HSF1: variants seen among roughly 807,000 people sequenced by gnomAD.
HSF1 encodes heat shock factor protein 1.
HSF1 carries 32 observed loss-of-function variants against 51.7 expected under a neutral mutation model. That is an observed-to-expected ratio of 0.62 (90% confidence interval 0.47 to 0.83). The LOEUF is 0.83. HSF1 is among the 40% of genes least tolerant of loss of function. The pLI is 0.00. For synonymous variants in HSF1, 396 were observed against 309.7 expected (o/e 1.28, Z -2.92); for missense variants, 727 against 717.0 (o/e 1.01, Z -0.16).
At chr8:144,300,696 AG>A (rs1554842125) in intron 1 of HSF1, among the ~76,000 whole-genome samples, 1 of 152,252 alleles carries the variant, frequency 6.6e-6, no homozygotes, top group Non-Finnish European at 1.5e-5. Context: ...CAAGTCTGAA[AG>A]GTGCCAGAGT....
chr8:144,293,187 T>C (rs1450448749), intron 1 of HSF1, among the ~76,000 whole-genome samples: 1 of 152,246 alleles, frequency 6.6e-6, no homozygotes, highest in Non-Finnish European at 1.5e-5. Context: ...TTCTTGGGTT[T>C]ACTGAGGCTC....
At chr8:144,306,717 C>T (rs1010610614) in intron 1 of HSF1, among the ~76,000 whole-genome samples, 1 of 152,208 alleles carries the variant, frequency 6.6e-6, no homozygotes, top group African/African-American at 2.4e-5. Context: ...TCGGACTCCC[C>T]CACCTCCCCA....
At chr8:144,302,966 G>C (rs782814485) in intron 1 of HSF1, among the ~76,000 whole-genome samples, 1 of 152,092 alleles carries the variant, frequency 6.6e-6, no homozygotes, top group Non-Finnish European at 1.5e-5. Flanking sequence ...ACAGCGACTA[G>C]AACAGCCAGG....
intron 1 of HSF1, among the ~76,000 whole-genome samples, chr8:144,301,739 C>CAT (rs1564614702): frequency 6.6e-6 from 1 of 152,096 alleles, no homozygotes; most frequent in Non-Finnish European, 1.5e-5. Flanking sequence ...GTGGCGGGTG[C>CAT]CTGTAGTCCT....
chr8:144,298,907 T>A (rs1815665249), intron 1 of HSF1, among the ~76,000 whole-genome samples: 1 of 151,692 alleles, frequency 6.6e-6, no homozygotes, highest in South Asian at 2.1e-4. Flanking sequence ...AGGGGAAGAG[T>A]AAGTGTAAGG....
intron 1 of HSF1, among the ~76,000 whole-genome samples, chr8:144,302,145 G>A (rs1162462526): frequency 2.7e-5 from 4 of 147,268 alleles, no homozygotes; most frequent in South Asian, 2.3e-4. Context: ...CAGCCTGGGC[G>A]ACACAGCGAG....
At chr8:144,295,982 C>T (rs1815426574) in intron 1 of HSF1, among the ~76,000 whole-genome samples, 1 of 152,142 alleles carries the variant, frequency 6.6e-6, no homozygotes, top group African/African-American at 2.4e-5. Flanking sequence ...ATGGGTGCAG[C>T]TGGAAAGACT....
intron 9 of HSF1, chr8:144,312,649 G>A (rs2130456074): frequency 6.5e-7 from 1 of 1,535,450 alleles, no homozygotes; most frequent in East Asian, 2.4e-5. Context: ...CTCCACAGAT[G>A]TCTAGGGTCG....
chr8:144,314,109 A>ACCC lies in HSF1; in HGVS notation c.1385-13_1385-11dup. 1.0e-6 allele frequency: 1 copy of ACCC among 956,300 alleles called. No homozygotes were observed. The highest frequency in any genetic ancestry group is 4.2e-5 in the Admixed American group (1 of 24,028). The allele number at this position is 956,300 out of a possible 1,614,324, so 59.2% of individuals were successfully genotyped here. Reference sequence around the variant, plus strand: ...GCCCCCAACCCCCCACCGCCTTGACACCCCCACCCCCGCAGGGAAGCAGCT... The same window carrying ACCC: ...GCCCCCAACCCCCCACCGCCTTGACACCCCCCCCACCCCCGCAGGGAAGCAGCT... On this transcript the variant is annotated splice_polypyrimidine_tract_variant and intron_variant, in intron 12 of 12. Coordinates refer to ENST00000528838, the MANE Select transcript of HSF1 (RefSeq NM_005526.4).
intron 1 of HSF1, among the ~76,000 whole-genome samples, chr8:144,298,277 A>G (rs1815604812): frequency 6.6e-6 from 1 of 152,122 alleles, no homozygotes; most frequent in Non-Finnish European, 1.5e-5. Context: ...CTTAAGGCAT[A>G]AGAAGCCGCT....
chr8:144,300,941 C>T (rs1176789477), intron 1 of HSF1, among the ~76,000 whole-genome samples: 3 of 152,114 alleles, frequency 2.0e-5, no homozygotes, highest in African/African-American at 2.4e-5. Context: ...GTCACCGGAG[C>T]GGTTTAACAA....
Position 144,312,261 on chromosome 8 carries a change from C to G in HSF1, c.1142+17C>G, listed in dbSNP as rs782695209. 9 of 1,554,218 alleles carry G rather than the reference C, an allele frequency of 5.8e-6. No homozygotes were observed. Among genetic ancestry groups the G allele is most frequent in the Middle Eastern group, 2.3e-4 (1 of 4,382 alleles). On this transcript the variant is annotated intron_variant, in intron 9 of 12. Transcript: ENST00000528838. ...CCTGGACAAGTGAGTGCCGCCCACC[C>G]CTGGCCCCACCCACAGCGCCTGGAC...
At chr8:144,305,388 C>T (rs1816141641) in intron 1 of HSF1, among the ~76,000 whole-genome samples, 1 of 152,062 alleles carries the variant, frequency 6.6e-6, no homozygotes, top group African/African-American at 2.4e-5. Context: ...CAACCTCTGC[C>T]TCCAGAGTTC....
chr8:144,299,271 G>T (rs752424922), intron 1 of HSF1, among the ~76,000 whole-genome samples: 1 of 151,830 alleles, frequency 6.6e-6, no homozygotes, highest in Non-Finnish European at 1.5e-5. Context: ...GTGAAACGCC[G>T]TCTCTACTAC....
Position 144,313,994 on chromosome 8 carries a change from C to T in HSF1, c.1324C>T (p.Leu442Phe), listed in dbSNP as rs782018913. Residue 442 changes from leucine to phenylalanine, a missense_variant, in exon 12 of 13, where the codon CTC (leucine) becomes TTC (phenylalanine). Transcript: ENST00000528838. ...LDSSLASIQELLSPQEPPRPP... is the reference protein window; with the variant it reads ...LDSSLASIQEFLSPQEPPRPP... ...CGTCTCCACCCCACAGATCCAAGAG[C>T]TCCTGTCTCCCCAGGAGCCCCCCAG... is the stretch of plus-strand genomic sequence containing the variant. 3.1e-6 allele frequency: 5 copies of T among 1,611,250 alleles called. No individual in the cohort carries two copies. In the African/African-American group the frequency reaches 4.0e-5, roughly 13 times the overall value.
intron 1 of HSF1, among the ~76,000 whole-genome samples, chr8:144,294,855 C>G (rs1815350936): frequency 6.6e-6 from 1 of 152,136 alleles, no homozygotes; most frequent in South Asian, 2.1e-4. Context: ...GACAGCACAG[C>G]CTTGGAGAGG....
intron 1 of HSF1, among the ~76,000 whole-genome samples, chr8:144,295,605 G>C (rs1379097497): frequency 3.3e-5 from 5 of 152,252 alleles, no homozygotes; most frequent in African/African-American, 1.2e-4. Context: ...CCAGGCTGGA[G>C]TGCAGGGCTA....
intron 1 of HSF1, among the ~76,000 whole-genome samples, chr8:144,296,395 T>C (rs1815461420): frequency 6.6e-6 from 1 of 152,188 alleles, no homozygotes; most frequent in Non-Finnish European, 1.5e-5. Context: ...ATCTGGTATT[T>C]GGCCCAAGAT....
At position 144,311,506 on chromosome 8, in the gene HSF1, C is replaced by T. The variant is rs1816657505; in HGVS notation, c.628C>T (p.Pro210Ser). The change falls in exon 7 of 13, where the codon CCC becomes TCC. Residue 210 changes from proline to serine, a missense_variant and splice_region_variant. Around this residue, in one of 2 missense-constraint regions of HSF1, gnomAD observed 257 missense variants for 318.3 expected, o/e 0.81. Coordinates refer to ENST00000528838, the MANE Select transcript of HSF1 (RefSeq NM_005526.4). Reference sequence around the variant, plus strand: ...GCTGACCTGCACCCTTCCCCACAGCCCCCTGATGCTGAACGACAGTGGCTC... The same window carrying T: ...GCTGACCTGCACCCTTCCCCACAGCTCCCTGATGCTGAACGACAGTGGCTC... ...NRILGVKRKI[P>S]LMLNDSGSAH... 1.9e-6 allele frequency: 3 copies of T among 1,613,638 alleles called. No homozygotes were observed. Among genetic ancestry groups the T allele is most frequent in the Non-Finnish European group, 1.7e-6 (2 of 1,179,958 alleles).
Sources: allele counts gnomAD v4.1 joint callset (sites outside exome capture counted in the v4.1 genomes callset), GRCh38; gene constraint gnomAD v4.1.1; regional missense constraint gnomAD v4.1.1; transcripts MANE v1.5; gene names NCBI Gene and HGNC (gene_info 2026-07-23, HGNC 2026-07-21).